CALD1: variants seen among roughly 807,000 people sequenced by gnomAD.
The protein encoded by CALD1 is caldesmon.
CALD1 carries 33 observed loss-of-function variants against 99.9 expected under a neutral mutation model. The observed-to-expected ratio is 0.33, with a 90% CI of 0.25 to 0.44. The LOEUF is 0.44. Ranked by LOEUF, CALD1 falls within the 20% of genes least tolerant of loss-of-function variation. CALD1 has a pLI of 1.00. For synonymous variants in CALD1, 310 were observed against 325.0 expected (o/e 0.95, Z 0.50); for missense variants, 861 against 962.1 (o/e 0.89, Z 1.39).
intron 7 of CALD1, 130 bp downstream of exon 7, chr7:134,941,367 C>T (rs1322036593): frequency 2.9e-6 from 2 of 688,446 alleles, no homozygotes; most frequent in East Asian, 5.5e-5. Flanking sequence ...GTTGTGAGGT[C>T]ATTAGCCATT....
intron 1 of CALD1, among the ~76,000 whole-genome samples, chr7:134,767,393 A>G (rs757557569): frequency 1.3e-5 from 2 of 152,206 alleles, no homozygotes; most frequent in Admixed American, 1.3e-4. Context: ...CTATCCCCCA[A>G]GAGAAATCTC....
intron 3 of CALD1, among the ~76,000 whole-genome samples, chr7:134,889,370 C>T (rs1802031892): frequency 6.6e-6 from 1 of 152,206 alleles, no homozygotes; most frequent in African/African-American, 2.4e-5. Flanking sequence ...AGATAAGCTC[C>T]TCTAACCACA....
At chr7:134,711,656 C>CTATA in the CALD1 span, among the ~76,000 whole-genome samples, 6 of 68,098 alleles carry the variant, frequency 8.8e-5, no homozygotes, top group African/African-American at 3.2e-4. Flanking sequence ...CTCTCTCTCT[C>CTATA]TCTCTATATA....
At chr7:134,891,597 C>A (rs768513971) in intron 3 of CALD1, 3 of 1,603,008 alleles carry the variant, frequency 1.9e-6, no homozygotes, top group Non-Finnish European at 2.6e-6. Context: ...CTCTCTGCCC[C>A]GCCGCCCCTT....
At chr7:134,915,518 C>G (rs1804141163) in intron 3 of CALD1, among the ~76,000 whole-genome samples, 1 of 152,106 alleles carries the variant, frequency 6.6e-6, no homozygotes, top group Admixed American at 6.5e-5. Flanking sequence ...ACTAATCTAA[C>G]CAATGAATTA....
chr7:134,901,648 C>T (rs1803007813), intron 3 of CALD1, among the ~76,000 whole-genome samples: 1 of 152,080 alleles, frequency 6.6e-6, no homozygotes, highest in African/African-American at 2.4e-5. Context: ...GGCTAGAAGT[C>T]TAGAATCAGG....
intron 1 of CALD1, 62 bp from the exon 2 acceptor site, chr7:134,843,822 A>G (rs1019563636): frequency 6.6e-6 from 1 of 152,250 alleles, no homozygotes; most frequent in African/African-American, 2.4e-5. Context: ...TTGAAAATAT[A>G]TAGTCTGTAT....
At chr7:134,839,315 T>C (rs1026273) in intron 1 of CALD1, among the ~76,000 whole-genome samples, 33,324 of 152,160 alleles carry the variant, frequency 0.22, 4,489 homozygotes, top group African/African-American at 0.38. Flanking sequence ...TTGCTGTTGA[T>C]AGACATTGAG....
intron 13 of CALD1, chr7:134,962,185 C>T (rs148025073): frequency 1.3e-5 from 2 of 152,084 alleles, no homozygotes; most frequent in African/African-American, 4.8e-5. Flanking sequence ...AACTTGGCCC[C>T]TATTCTTTTA....
chr7:134,894,992 G>A (rs1416697557), intron 3 of CALD1, among the ~76,000 whole-genome samples: 1 of 151,966 alleles, frequency 6.6e-6, no homozygotes, highest in African/African-American at 2.4e-5. Context: ...AACAAACATG[G>A]AAGGGTATGT....
At position 134,772,095 on chromosome 7, in the gene CALD1, C is replaced by CTTT. The variant is rs11427929; in HGVS notation, c.-130+27747_-130+27749dup. Among the ~76,000 whole-genome samples the CTTT allele has an allele frequency of 2.6e-4, 36 of 138,026 alleles. 1 individual carries two copies. Among genetic ancestry groups the CTTT allele is most frequent in the African/African-American group, 5.7e-4 (21 of 36,884 alleles). The allele number at this position is 138,026 out of a possible 152,430, so 90.6% of individuals were successfully genotyped here. A position where few individuals can be genotyped will look rare whatever the true frequency, so the allele number is the denominator to read the frequency against. On this transcript the variant is annotated intron_variant, in intron 1 of 13. Transcript: ENST00000417172. ...GTGAGTGAATCAAAGAATAAATGAACTTTTTTTTTTTTTTTTTGAGACAGG... is the reference window on the plus strand; with the variant it reads ...GTGAGTGAATCAAAGAATAAATGAACTTTTTTTTTTTTTTTTTTTTGAGACAGG...
chr7:134,822,987 A>G (rs1798841425), intron 1 of CALD1, among the ~76,000 whole-genome samples: 1 of 152,170 alleles, frequency 6.6e-6, no homozygotes, highest in Admixed American at 6.5e-5. Flanking sequence ...AATTGCCTTA[A>G]GATGAAATTG....
At chr7:134,962,725 ATTC>A (rs929288475) in intron 13 of CALD1, 2 of 428,808 alleles carry the variant, frequency 4.7e-6, no homozygotes, top group African/African-American at 4.1e-5. Flanking sequence ...TGGTTTGTCT[ATTC>A]TTTGTGTCTA....
chr7:134,921,582 C>T (rs1417717981), intron 3 of CALD1, among the ~76,000 whole-genome samples: 6 of 152,280 alleles, frequency 3.9e-5, no homozygotes, highest in South Asian at 2.1e-4. Flanking sequence ...GAGGCCGAGG[C>T]GGGCGGATCA....
intron 1 of CALD1, among the ~76,000 whole-genome samples, chr7:134,794,774 C>A (rs1443847002): frequency 6.6e-6 from 1 of 152,158 alleles, no homozygotes; most frequent in Non-Finnish European, 1.5e-5. Context: ...CCATGCCCAG[C>A]CTGCTATAAG....
intron 1 of CALD1, among the ~76,000 whole-genome samples, chr7:134,766,070 T>G (rs1474847025): frequency 1.3e-5 from 2 of 149,706 alleles, no homozygotes; most frequent in African/African-American, 4.9e-5. Flanking sequence ...CACCAGAAGG[T>G]GGGCAGGTGC....
intron 3 of CALD1, among the ~76,000 whole-genome samples, chr7:134,923,464 T>A (rs1804764433): frequency 2.0e-5 from 3 of 152,240 alleles, no homozygotes; most frequent in African/African-American, 7.2e-5. Context: ...TTCTGAATCA[T>A]CTGGGAACAT....
intron 3 of CALD1, among the ~76,000 whole-genome samples, chr7:134,890,627 G>A (rs1215654049): frequency 6.6e-6 from 1 of 152,172 alleles, no homozygotes; most frequent in African/African-American, 2.4e-5. Flanking sequence ...CATAAGTCAA[G>A]CTGAGACGGA....
chr7:134,854,859 T>C lies in CALD1; in HGVS notation c.-42+10888T>C, dbSNP rs1011605397. Among the ~76,000 whole-genome samples, 31 of 152,164 alleles carry C rather than the reference T, an allele frequency of 2.0e-4. 1 individual carries two copies. Among genetic ancestry groups the C allele is most frequent in the Non-Finnish European group, 7.4e-5 (5 of 68,022 alleles). On this transcript the variant is annotated intron_variant, in intron 2 of 14. Transcript: ENST00000361675. ...ATCTCATGTCGAATTGTGATCCCCA[T>C]TGTTGGAGGAGGGGCCTGGTGGGAG...
Sources: gnomAD v4.1 joint callset for allele counts (sites outside exome capture counted in the v4.1 genomes callset) on GRCh38, gnomAD v4.1.1 for gene constraint, MANE v1.5 for transcripts, NCBI Gene and HGNC (gene_info 2026-07-23, HGNC 2026-07-21) for gene names.